The following RBFOX1 variants were observed in gnomAD, a reference collection of about 807,000 sequenced individuals.
The protein encoded by RBFOX1 is RNA binding fox-1 homolog 1.
A neutral mutation model predicts 57.7 loss-of-function variants in RBFOX1; 8 were observed. The observed-to-expected ratio is 0.14, with a 90% CI of 0.08 to 0.25. The LOEUF is 0.25. Among genes scored for constraint, RBFOX1 ranks in the 10% least tolerant of loss-of-function variants. RBFOX1 has a pLI of 1.00. For missense variants in RBFOX1, 611 were observed against 548.5 expected (o/e 1.11, Z -1.14); for synonymous variants, 326 against 222.4 (o/e 1.47, Z -4.15).
chr16:6,606,388 G>A (rs78777108), intron 2 of RBFOX1, among the ~76,000 whole-genome samples: 3,805 of 152,218 alleles, frequency 0.025, 168 homozygotes, highest in African/African-American at 0.085. Flanking sequence ...ATGTTCTGGG[G>A]TACATGTCCA....
At chr16:5,818,831 G>C (rs897582352) in intron 3 of RBFOX1, among the ~76,000 whole-genome samples, 4 of 152,174 alleles carry the variant, frequency 2.6e-5, no homozygotes, top group Non-Finnish European at 2.9e-5. Flanking sequence ...CATGCTCAAA[G>C]GGGCTACAGT....
intron 3 of RBFOX1, among the ~76,000 whole-genome samples, chr16:7,039,374 A>G (rs113855031): frequency 5.3e-5 from 8 of 152,336 alleles, no homozygotes; most frequent in African/African-American, 1.9e-4. Context: ...GTCTTCCCCA[A>G]GGTTAAGAGG....
chr16:7,294,505 G>C (rs1443875613), intron 4 of RBFOX1, among the ~76,000 whole-genome samples: 4 of 148,394 alleles, frequency 2.7e-5, no homozygotes, highest in African/African-American at 1.0e-4. Context: ...CAGAAATGAT[G>C]ATAGGAAAGT....
chr16:6,062,210 C>G (rs554927362), intron 1 of RBFOX1, among the ~76,000 whole-genome samples: 2 of 152,204 alleles, frequency 1.3e-5, no homozygotes, highest in South Asian at 2.1e-4. Context: ...TCTGAACTGT[C>G]CTTTCAGGTT....
chr16:5,902,790 G>T (rs1041883673), intron 4 of RBFOX1, among the ~76,000 whole-genome samples: 1 of 151,944 alleles, frequency 6.6e-6, no homozygotes, highest in Non-Finnish European at 1.5e-5. Context: ...GATTCCAAGC[G>T]CCTTGTCTGG....
chr16:5,479,671 A>G (rs1171319903), intron 2 of RBFOX1, among the ~76,000 whole-genome samples: 1 of 152,072 alleles, frequency 6.6e-6, no homozygotes, highest in Non-Finnish European at 1.5e-5. Flanking sequence ...AGGCAGGAGA[A>G]TCGCTTGAAC....
At chr16:5,473,463 C>T (rs2069208082) in intron 2 of RBFOX1, among the ~76,000 whole-genome samples, 1 of 151,768 alleles carries the variant, frequency 6.6e-6, no homozygotes, top group Non-Finnish European at 1.5e-5. Context: ...ATAAGCAGTA[C>T]CTCACCTTTT....
At chr16:7,193,019 C>T (rs1219256500) in intron 4 of RBFOX1, among the ~76,000 whole-genome samples, 1 of 152,178 alleles carries the variant, frequency 6.6e-6, no homozygotes, top group African/African-American at 2.4e-5. Flanking sequence ...CCTTGCCTTA[C>T]CTATGGCCAT....
intron 1 of RBFOX1, among the ~76,000 whole-genome samples, chr16:5,282,720 C>T (rs993403162): frequency 6.6e-6 from 1 of 152,196 alleles, no homozygotes. Flanking sequence ...GCATTCAACA[C>T]ATGACTTGGG....
At chr16:6,481,240 C>T (rs1469726051) in intron 2 of RBFOX1, among the ~76,000 whole-genome samples, 1 of 152,238 alleles carries the variant, frequency 6.6e-6, no homozygotes, top group East Asian at 1.9e-4. Flanking sequence ...CTCTCTGTAT[C>T]ATCTTGCCTT....
At chr16:7,335,317 C>T (rs1363234792) in intron 4 of RBFOX1, among the ~76,000 whole-genome samples, 2 of 152,136 alleles carry the variant, frequency 1.3e-5, no homozygotes, top group Non-Finnish European at 2.9e-5. Flanking sequence ...CTATCACCAC[C>T]TAAATATGTC....
intron 2 of RBFOX1, among the ~76,000 whole-genome samples, chr16:6,360,025 G>C (rs1253530751): frequency 6.6e-6 from 1 of 152,054 alleles, no homozygotes; most frequent in Non-Finnish European, 1.5e-5. Flanking sequence ...GAACAATTTT[G>C]CTTATTTTCA....
At chr16:5,798,021 T>A (rs184454682) in intron 3 of RBFOX1, among the ~76,000 whole-genome samples, 1 of 152,342 alleles carries the variant, frequency 6.6e-6, no homozygotes, top group Admixed American at 6.5e-5. Flanking sequence ...CCTGGGAATA[T>A]ATAAAGCAGA....
intron 4 of RBFOX1, among the ~76,000 whole-genome samples, chr16:7,243,954 C>A (rs771630265): frequency 7.0e-6 from 1 of 143,202 alleles, no homozygotes; most frequent in Non-Finnish European, 1.5e-5. Context: ...TCTGAAGTCA[C>A]ATACAAAACT....
At chr16:5,788,503 C>T (rs1251105767) in intron 3 of RBFOX1, among the ~76,000 whole-genome samples, 2 of 152,098 alleles carry the variant, frequency 1.3e-5, no homozygotes. Flanking sequence ...GTGGCAGGTG[C>T]CTGAAGTCCC....
At chr16:5,882,938 A>G (rs1432407601) in intron 4 of RBFOX1, among the ~76,000 whole-genome samples, 1 of 152,194 alleles carries the variant, frequency 6.6e-6, no homozygotes. Context: ...TTTAAAATGC[A>G]GTCTATTCTT....
chr16:7,173,807 C>T (rs971042657), intron 4 of RBFOX1, among the ~76,000 whole-genome samples: 2 of 152,174 alleles, frequency 1.3e-5, no homozygotes, highest in African/African-American at 4.8e-5. Context: ...TATTCTTTAT[C>T]CCAATGTCAT....
At chr16:7,383,155 A>G (rs2097810156) in intron 4 of RBFOX1, among the ~76,000 whole-genome samples, 3 of 152,128 alleles carry the variant, frequency 2.0e-5, no homozygotes, top group Admixed American at 2.0e-4. Context: ...CAAGAATGGG[A>G]AATTCTTGTT....
intron 4 of RBFOX1, among the ~76,000 whole-genome samples, chr16:7,132,901 T>G (rs1400627822): frequency 6.6e-6 from 1 of 152,238 alleles, no homozygotes; most frequent in African/African-American, 2.4e-5. Context: ...CATATGTGCA[T>G]AAAAATTGTG....
Sources: gnomAD v4.1 joint callset for allele counts (sites outside exome capture counted in the v4.1 genomes callset) on GRCh38, gnomAD v4.1.1 for gene constraint, MANE v1.5 for transcripts, NCBI Gene and HGNC (gene_info 2026-07-23, HGNC 2026-07-21) for gene names.